Variants in KPNA3 observed in about 807,000 individuals in gnomAD.
KPNA3 encodes importin subunit alpha-4.
A neutral mutation model predicts 73.8 loss-of-function variants in KPNA3; 13 were observed. That is an observed-to-expected ratio of 0.18 (90% CI 0.11 to 0.28). KPNA3 has a LOEUF of 0.28. Ranked by LOEUF, KPNA3 falls within the 10% of genes least tolerant of loss-of-function variation. The pLI is 1.00. For synonymous variants in KPNA3, 186 were observed against 206.9 expected, an observed-to-expected ratio of 0.90 and a Z score of 0.87; for missense variants, 360 against 618.1, an observed-to-expected ratio of 0.58 and a Z score of 4.43.
chr13:49,743,429 A>G (rs73192700), intron 2 of KPNA3, among the ~76,000 whole-genome samples: 3,046 of 152,284 alleles, frequency 0.02, 39 homozygotes, highest in South Asian at 0.041. Context: ...TTGTTTCAGG[A>G]AAAGTTTGCT....
chr13:49,708,407 T>C (rs2137533423), intron 12 of KPNA3, among the ~76,000 whole-genome samples: 1 of 152,258 alleles, frequency 6.6e-6, no homozygotes, highest in South Asian at 2.1e-4. Context: ...AAATTAGAAT[T>C]CTAGTAACAC....
chr13:49,770,096 G>A (rs1954840815), intron 1 of KPNA3, among the ~76,000 whole-genome samples: 1 of 150,418 alleles, frequency 6.6e-6, no homozygotes, highest in South Asian at 2.1e-4. Flanking sequence ...TTGTTCAGCT[G>A]TAGTTCTTTA....
In KPNA3 at chr13:49,788,740, A is replaced by ATTT. The variant is rs1955006627; in HGVS notation, c.69+3697_69+3698insAAA. On this transcript the variant is annotated intron_variant, in intron 1 of 16. Coordinates refer to ENST00000261667, the MANE Select transcript of KPNA3 (RefSeq NM_002267.4). ...CTCTTTTTTTTTTTTTTTTTTTTTA[A>ATTT]AAAAAAAAAGCACATTCCAGAACAA... Among the ~76,000 whole-genome samples, 50 of 29,678 alleles carry ATTT rather than the reference A, an allele frequency of 1.7e-3. No homozygotes were observed. In the East Asian group the frequency reaches 0.028, roughly 17 times the overall value. The allele number at this position is 29,678 out of a possible 152,430, so 19.5% of individuals were successfully genotyped here.
intron 9 of KPNA3, among the ~76,000 whole-genome samples, chr13:49,720,418 T>C (rs137895549): frequency 4.6e-5 from 7 of 152,230 alleles, no homozygotes; most frequent in African/African-American, 9.6e-5. Context: ...TACCTTTGCA[T>C]AGCAACAAAA....
At chr13:49,746,866 C>T (rs1044791099) in intron 2 of KPNA3, 83 bp downstream of exon 2, 1 of 993,268 alleles carries the variant, frequency 1.0e-6, no homozygotes, top group Non-Finnish European at 1.6e-6. Flanking sequence ...TAATTTGCCA[C>T]AGTATTTTCA....
chr13:49,726,419 TGGAA>T (rs1159444264), intron 6 of KPNA3, among the ~76,000 whole-genome samples: 2 of 152,268 alleles, frequency 1.3e-5, no homozygotes, highest in East Asian at 3.9e-4. Flanking sequence ...GTATCATGCA[TGGAA>T]GGATCATGAT....
intron 2 of KPNA3, among the ~76,000 whole-genome samples, chr13:49,746,370 C>T (rs1035310687): frequency 2.0e-5 from 3 of 152,062 alleles, no homozygotes; most frequent in Non-Finnish European, 4.4e-5. Flanking sequence ...CATAGCTACT[C>T]AGCCAGCTGA....
intron 1 of KPNA3, among the ~76,000 whole-genome samples, chr13:49,756,586 C>T (rs554077798): frequency 2.0e-5 from 3 of 152,154 alleles, no homozygotes; most frequent in Admixed American, 6.6e-5. Context: ...AATGGAGGGG[C>T]ATATTGTGTT....
rs568909366 is a variant in KPNA3, at chr13:49,788,474, C to A, written c.69+3964G>T. On this transcript the variant is annotated intron_variant, in intron 1 of 16. Transcript: ENST00000261667. ...GTGACTCATGCCCCTAATCCCAACA[C>A]TTTTAGAGGCCAAGGCAGGAGGATA... Among the ~76,000 whole-genome samples, 6 of 152,268 alleles carry A rather than the reference C, an allele frequency of 3.9e-5. No homozygotes were observed. The East Asian group carries it at 5.8e-4, about 15-fold the overall frequency.
At chr13:49,791,911 CCCACCCCCCTCTGCGGGCCG>C (rs1955036339) in intron 1 of KPNA3, among the ~76,000 whole-genome samples, 1 of 152,226 alleles carries the variant, frequency 6.6e-6, no homozygotes, top group African/African-American at 2.4e-5. Context: ...CCGGCTGGTC[CCCACCCCCCTCTGCGGGCCG>C]CCACCGCCCG....
intron 1 of KPNA3, among the ~76,000 whole-genome samples, chr13:49,751,194 C>T (rs1221178361): frequency 1.3e-5 from 2 of 152,144 alleles, no homozygotes; most frequent in Non-Finnish European, 2.9e-5. Flanking sequence ...TCCTAACACC[C>T]TCACCAAAAA....
rs895693393 is a variant in KPNA3 at position 49,701,012 on chromosome 13, T to C, written c.*788A>G. On this transcript the variant is annotated 3_prime_UTR_variant, in exon 17 of 17. Coordinates refer to ENST00000261667, the MANE Select transcript of KPNA3 (RefSeq NM_002267.4). ...AGGTTGCAGCTCAGGTAAAATACCA[T>C]GCACAGCATTTGATTACTTCAAAAC... 2.6e-5 allele frequency: 4 copies of C among 153,206 alleles called. No individual in the cohort carries two copies. The highest frequency in any genetic ancestry group is 2.6e-4 in the Admixed American group (4 of 15,326). The allele number at this position is 153,206 out of a possible 1,614,324, so 9.5% of individuals were successfully genotyped here.
At chr13:49,706,511 C>A (rs1056595002) in intron 12 of KPNA3, 139 bp from the exon 13 acceptor site, 2 of 560,130 alleles carry the variant, frequency 3.6e-6, no homozygotes, top group African/African-American at 1.9e-5. Flanking sequence ...ATTAGGTATA[C>A]AAAATCTTCC....
In KPNA3 at chr13:49,708,730, T is replaced by C. The variant is rs544896825; in HGVS notation, c.1032+842A>G. Among the ~76,000 whole-genome samples, 4 of 152,246 alleles carry C rather than the reference T, an allele frequency of 2.6e-5. No individual in the cohort carries two copies. In the South Asian group the frequency reaches 6.2e-4, roughly 24 times the overall value. On this transcript the variant is annotated intron_variant, in intron 12 of 16. Transcript: ENST00000261667. ...TAAAGTTCTGACACATGCTGCAAAA[T>C]GAATGAACCTTGAAAACATGCTAGA...
intron 16 of KPNA3, 66 bp downstream of exon 16, chr13:49,702,320 G>T: frequency 1.2e-6 from 1 of 843,302 alleles, no homozygotes; most frequent in Non-Finnish European, 1.9e-6. Context: ...AAAACTCTTA[G>T]TAAATTTACA....
At chr13:49,780,618 T>C (rs1001110020) in intron 1 of KPNA3, among the ~76,000 whole-genome samples, 2 of 152,198 alleles carry the variant, frequency 1.3e-5, no homozygotes, top group Admixed American at 1.3e-4. Context: ...TCTATTTCAC[T>C]GTTTAAAATG....
intron 3 of KPNA3, 80 bp from the exon 4 acceptor site, chr13:49,732,856 A>G: frequency 7.6e-7 from 1 of 1,308,854 alleles, no homozygotes; most frequent in Non-Finnish European, 1.1e-6. Flanking sequence ...GAGTTAATAT[A>G]CTTTCATTAT....
At chr13:49,777,122 C>T (rs1019621955) in intron 1 of KPNA3, among the ~76,000 whole-genome samples, 2 of 152,120 alleles carry the variant, frequency 1.3e-5, no homozygotes, top group Non-Finnish European at 2.9e-5. Context: ...ATATCCAATC[C>T]CTCTAATTAT....
At chr13:49,740,804 C>T (rs1007342969) in intron 2 of KPNA3, among the ~76,000 whole-genome samples, 20 of 152,082 alleles carry the variant, frequency 1.3e-4, no homozygotes, top group African/African-American at 3.4e-4. Context: ...CTCCCCAAAT[C>T]CCTGTACCCC....
Sources: allele counts gnomAD v4.1 joint callset (sites outside exome capture counted in the v4.1 genomes callset), GRCh38; gene constraint gnomAD v4.1.1; transcripts MANE v1.5; gene names NCBI Gene and HGNC (gene_info 2026-07-23, HGNC 2026-07-21).